ABLIM1: variants seen among roughly 807,000 people sequenced by gnomAD.
ABLIM1 encodes the protein actin-binding LIM protein 1.
A neutral mutation model predicts 107.0 loss-of-function variants in ABLIM1; 40 were observed. The ratio of observed to expected loss-of-function variants is 0.37; its 90% CI spans 0.29 to 0.49. The LOEUF (loss-of-function observed/expected upper bound fraction) is 0.49, where lower values mean the gene tolerates loss of function less well. ABLIM1 is among the 20% of genes least tolerant of loss of function. The pLI is 0.97. For missense variants in ABLIM1, 857 were observed against 1,008.5 expected (o/e 0.85, Z 2.04); for synonymous variants, 357 against 357.3 (o/e 1.00, Z 0.01).
intron 4 of ABLIM1, among the ~76,000 whole-genome samples, chr10:114,555,658 A>G (rs2068635641): frequency 6.6e-6 from 1 of 152,240 alleles, no homozygotes. Context: ...CATCTAACCA[A>G]TGCTTGCTGA....
At chr10:114,751,028 T>C (rs1392589994) in intron 1 of ABLIM1, among the ~76,000 whole-genome samples, 1 of 152,198 alleles carries the variant, frequency 6.6e-6, no homozygotes, top group Admixed American at 6.5e-5. Flanking sequence ...AGAAAAAATA[T>C]TCAGTCGCTG....
At chr10:114,733,424 G>A (rs1468499820) in intron 1 of ABLIM1, among the ~76,000 whole-genome samples, 8 of 152,134 alleles carry the variant, frequency 5.3e-5, no homozygotes, top group Admixed American at 2.6e-4. Context: ...GCTGTACCCC[G>A]AGCAAAAACA....
intron 10 of ABLIM1, among the ~76,000 whole-genome samples, chr10:114,471,951 C>T (rs571531565): frequency 2.0e-5 from 3 of 150,700 alleles, no homozygotes; most frequent in South Asian, 2.1e-4. Context: ...GGGAAACGGA[C>T]TTGGGTAGGA....
At chr10:114,559,568 C>T (rs2069359558) in intron 4 of ABLIM1, among the ~76,000 whole-genome samples, 2 of 152,132 alleles carry the variant, frequency 1.3e-5, no homozygotes, top group Admixed American at 6.5e-5. Flanking sequence ...ACCCTGGGGT[C>T]TCCCTCGGGG....
At position 114,592,766 on chromosome 10, in the gene ABLIM1, G is replaced by A. The variant is rs149371002; in HGVS notation, c.379+9061C>T. Among the ~76,000 whole-genome samples, 1,227 of 152,198 alleles carry A rather than the reference G, an allele frequency of 8.1e-3. 8 individuals are homozygous for A. Among genetic ancestry groups the A allele is most frequent in the Non-Finnish European group, 0.011 (737 of 68,004 alleles). ...TTGATGGATTATTTGTGGCACATGAGAGAAAAAGAGAAGTTAAGAATGACT... is the reference window on the plus strand; with the variant it reads ...TTGATGGATTATTTGTGGCACATGAAAGAAAAAGAGAAGTTAAGAATGACT... On this transcript the variant is annotated intron_variant, in intron 2 of 22. Transcript: ENST00000533213.
At chr10:114,578,785 C>CTTTTTTTT (rs35420465) in intron 2 of ABLIM1, among the ~76,000 whole-genome samples, 1 of 111,714 alleles carries the variant, frequency 9.0e-6, no homozygotes, top group Non-Finnish European at 1.7e-5. Flanking sequence ...TCTTTCTTTT[C>CTTTTTTTT]TTTTTTTTTT....
At chr10:114,446,054 G>A (rs976221337) in intron 15 of ABLIM1, among the ~76,000 whole-genome samples, 1 of 152,222 alleles carries the variant, frequency 6.6e-6, no homozygotes, top group African/African-American at 2.4e-5. Flanking sequence ...TTACAGGCGT[G>A]AGCCACCACG....
chr10:114,794,204 G>C, the ABLIM1 span, among the ~76,000 whole-genome samples: 6 of 152,132 alleles, frequency 3.9e-5, no homozygotes, highest in African/African-American at 1.4e-4. Flanking sequence ...TACATAGCTT[G>C]ACCCCTCTAC....
intron 2 of ABLIM1, among the ~76,000 whole-genome samples, chr10:114,587,187 T>C (rs1174506538): frequency 2.6e-5 from 4 of 152,232 alleles, no homozygotes; most frequent in African/African-American, 9.6e-5. Context: ...CAACTCATTG[T>C]TGTAATCTGA....
At chr10:114,600,137 G>C (rs189045664) in intron 2 of ABLIM1, among the ~76,000 whole-genome samples, 64 of 152,244 alleles carry the variant, frequency 4.2e-4, no homozygotes, top group Non-Finnish European at 5.0e-4. Context: ...GAGCCACAGA[G>C]AGACAAGTAA....
At chr10:114,771,406 A>G (rs2083023556), upstream of ABLIM1, among the ~76,000 whole-genome samples, 1 of 152,226 alleles carries the variant, frequency 6.6e-6, no homozygotes, top group South Asian at 2.1e-4. Context: ...TAAGTTTGCT[A>G]TCAAAGGTCA....
At chr10:114,773,220 A>T in the ABLIM1 span, among the ~76,000 whole-genome samples, 4 of 152,190 alleles carry the variant, frequency 2.6e-5, no homozygotes, top group Non-Finnish European at 5.9e-5. Context: ...AATACAATAT[A>T]TACCAGGTTG....
chr10:114,755,172 G>C (rs1329721043), intron 1 of ABLIM1, among the ~76,000 whole-genome samples: 1 of 152,100 alleles, frequency 6.6e-6, no homozygotes, highest in South Asian at 2.1e-4. Flanking sequence ...TCAGATCAGC[G>C]GCAACAGATT....
intron 1 of ABLIM1, among the ~76,000 whole-genome samples, chr10:114,647,209 G>GTGGCATTTAGGGAA (rs1555215585): frequency 6.6e-6 from 1 of 151,796 alleles, no homozygotes; most frequent in African/African-American, 2.4e-5. Flanking sequence ...TGTTGGGCCA[G>GTGGCATTTAGGGAA]ACTGGTCTTG....
At chr10:114,576,745 A>G (rs1232360380) in intron 2 of ABLIM1, among the ~76,000 whole-genome samples, 1 of 152,154 alleles carries the variant, frequency 6.6e-6, no homozygotes, top group Non-Finnish European at 1.5e-5. Context: ...ACCCACAAAC[A>G]AACTTTCCAT....
chr10:114,467,549 G>A (rs955956258), intron 11 of ABLIM1, among the ~76,000 whole-genome samples: 1 of 152,184 alleles, frequency 6.6e-6, no homozygotes, highest in African/African-American at 2.4e-5. Context: ...CAGATTATGT[G>A]CTTCAAGCTT....
At chr10:114,734,299 G>C (rs2082134767) in intron 1 of ABLIM1, among the ~76,000 whole-genome samples, 1 of 152,140 alleles carries the variant, frequency 6.6e-6, no homozygotes, top group Non-Finnish European at 1.5e-5. Context: ...ATACCACTTA[G>C]ATGATGGCAC....
At position 114,672,267 on chromosome 10, in the gene ABLIM1, T is replaced by C. The variant is rs569671776; in HGVS notation, c.64+12023A>G. On this transcript the variant is annotated intron_variant, in intron 1 of 23. Coordinates refer to the ABLIM1 transcript ENST00000369256. ...CCAGGCTGGAGTGCAGTGGTGTAATTTCTGTTCACTGCAACCTCCGCCGCC... is the reference window on the plus strand; with the variant it reads ...CCAGGCTGGAGTGCAGTGGTGTAATCTCTGTTCACTGCAACCTCCGCCGCC... Among the ~76,000 whole-genome samples, 4 of 152,074 alleles carry C rather than the reference T, an allele frequency of 2.6e-5. No individual in the cohort carries two copies. In the East Asian group the frequency reaches 7.7e-4, roughly 29 times the overall value.
chr10:114,799,948 G>A, the ABLIM1 span, among the ~76,000 whole-genome samples: 7 of 152,088 alleles, frequency 4.6e-5, no homozygotes, highest in East Asian at 1.9e-4. Flanking sequence ...ACTAATCTTC[G>A]TATTTTTGTA....
Sources: gnomAD v4.1 joint callset for allele counts (sites outside exome capture counted in the v4.1 genomes callset) on GRCh38, gnomAD v4.1.1 for gene constraint, MANE v1.5 for transcripts, NCBI Gene and HGNC (gene_info 2026-07-23, HGNC 2026-07-21) for gene names.